Variants in CRYBG1 observed in about 807,000 individuals in gnomAD.
The protein encoded by CRYBG1 is crystallin beta-gamma domain containing 1.
CRYBG1 carries 139 observed loss-of-function variants against 189.2 expected under a neutral mutation model. That is an observed-to-expected ratio of 0.73 (90% CI 0.64 to 0.85). The LOEUF is 0.85. CRYBG1 is among the 40% of genes least tolerant of loss of function. The pLI, the probability that CRYBG1 is intolerant of heterozygous loss-of-function variation, is 0.00. For synonymous variants in CRYBG1, 1,023 were observed against 1,017.1 expected, an observed-to-expected ratio of 1.01 and a Z score of -0.11; for missense variants, 2,611 against 2,675.8, an observed-to-expected ratio of 0.98 and a Z score of 0.53.
intron 1 of CRYBG1, among the ~76,000 whole-genome samples, chr6:106,397,538 T>G (rs528633742): frequency 6.6e-6 from 1 of 152,342 alleles, no homozygotes; most frequent in East Asian, 1.9e-4. Context: ...TTCAGTTCAG[T>G]GCTTCAGCAT....
Position 106,555,778 on chromosome 6 carries a change from T to C in CRYBG1, c.5596T>C (p.Tyr1866His), listed in dbSNP as rs771433602. 11 of 1,614,182 alleles carry C rather than the reference T, an allele frequency of 6.8e-6. No individual in the cohort carries two copies. The highest frequency in any genetic ancestry group is 2.2e-5 in the East Asian group (1 of 44,878). The change falls in exon 17 of 22, where the codon TAT (tyrosine) becomes CAT (histidine). Residue 1866 changes from tyrosine (Y) to histidine (H), a missense_variant. This residue lies in a region of CRYBG1 where 1,622 missense variants were observed against 1,735.0 expected (regional missense o/e 0.93). Transcript: ENST00000633556. ...CRVSGGSWVV[Y>H]DGENFTGNQY... The stretch of plus-strand genomic sequence containing the variant: ...TTTTTCCCATTGTAGCTGGGTTGTA[T>C]ATGATGGAGAAAATTTCACTGGTAA...
chr6:106,412,697 G>A (rs1314048238), intron 1 of CRYBG1, among the ~76,000 whole-genome samples: 4 of 152,136 alleles, frequency 2.6e-5, no homozygotes, highest in East Asian at 1.9e-4. Context: ...TTGTCCTAAC[G>A]TAAGTTGGGA....
intron 1 of CRYBG1, among the ~76,000 whole-genome samples, chr6:106,394,854 G>A (rs546676013): frequency 1.6e-5 from 2 of 127,354 alleles, no homozygotes; most frequent in African/African-American, 5.0e-5. Context: ...AATGCACACA[G>A]CAGAATTTTT....
intron 1 of CRYBG1, among the ~76,000 whole-genome samples, chr6:106,432,281 T>C (rs1771339879): frequency 6.6e-6 from 1 of 152,234 alleles, no homozygotes; most frequent in Non-Finnish European, 1.5e-5. Context: ...AAATTTTCAA[T>C]GGAAGGAGGT....
chr6:106,440,087 G>T (rs1300128618), intron 1 of CRYBG1, among the ~76,000 whole-genome samples: 4 of 152,178 alleles, frequency 2.6e-5, no homozygotes, highest in Non-Finnish European at 5.9e-5. Flanking sequence ...CAGGGAAGAC[G>T]TGGGGCTGGT....
rs560063350 is a variant in CRYBG1, at chr6:106,554,625, A to C, written c.5585+1058A>C. Among the ~76,000 whole-genome samples the C allele has an allele frequency of 4.6e-5, 7 of 152,182 alleles. No homozygotes were observed. In the East Asian group the frequency reaches 1.4e-3, roughly 29 times the overall value. On this transcript the variant is annotated intron_variant, in intron 16 of 21. Coordinates refer to ENST00000633556, the MANE Select transcript of CRYBG1 (RefSeq NM_001371242.2). ...AGACTGTCTCAGGAAAAAACAAAAAAGGCAAATACATAGTTGGATAGTAAA... is the reference window on the plus strand; with the variant it reads ...AGACTGTCTCAGGAAAAAACAAAAACGGCAAATACATAGTTGGATAGTAAA...
At chr6:106,468,796 C>T (rs1273332371) in intron 2 of CRYBG1, among the ~76,000 whole-genome samples, 2 of 152,176 alleles carry the variant, frequency 1.3e-5, no homozygotes, top group African/African-American at 4.8e-5. Flanking sequence ...TTATTTTTCC[C>T]AATAATATGC....
chr6:106,379,137 A>G (rs931208132), intron 1 of CRYBG1, among the ~76,000 whole-genome samples: 20 of 152,230 alleles, frequency 1.3e-4, no homozygotes, highest in South Asian at 1.0e-3. Flanking sequence ...CGATAGAGCC[A>G]GACTCTGGTC....
At chr6:106,517,435 C>CACACATATATAT (rs766018369) in intron 3 of CRYBG1, among the ~76,000 whole-genome samples, 30,679 of 124,106 alleles carry the variant, frequency 0.25, 3,778 homozygotes, top group South Asian at 0.38. Context: ...TATATACACA[C>CACACATATATAT]ACACATATAT....
chr6:106,375,255 A>C (rs548269969), intron 1 of CRYBG1, among the ~76,000 whole-genome samples: 1 of 152,188 alleles, frequency 6.6e-6, no homozygotes, highest in East Asian at 1.9e-4. Flanking sequence ...GCGTGGTGGC[A>C]TGTGCCTGTA....
chr6:106,510,947 CTAGGACTGGTTTTTT>C (rs1773244572), intron 2 of CRYBG1, among the ~76,000 whole-genome samples: 2 of 152,140 alleles, frequency 1.3e-5, no homozygotes, highest in South Asian at 4.1e-4. Context: ...GAGAAGGCTG[CTAGGACTGGTTTTTT>C]TTCTTCGTCC....
At chr6:106,518,690 GC>G (rs1773497034) in intron 3 of CRYBG1, among the ~76,000 whole-genome samples, 2 of 152,190 alleles carry the variant, frequency 1.3e-5, no homozygotes, top group African/African-American at 4.8e-5. Context: ...GAGAATGGTG[GC>G]TCATGCCTGT....
intron 21 of CRYBG1, among the ~76,000 whole-genome samples, chr6:106,564,202 C>T (rs9386567): frequency 0.74 from 113,000 of 152,056 alleles, 43,957 homozygotes; most frequent in Non-Finnish European, 0.88. Flanking sequence ...ACCCCGGAAG[C>T]TCAAAGGGGT....
chr6:106,495,708 C>G (rs1488649070), intron 2 of CRYBG1, among the ~76,000 whole-genome samples: 1 of 151,190 alleles, frequency 6.6e-6, no homozygotes, highest in East Asian at 1.9e-4. Context: ...ACAAGCTACT[C>G]TCATTGAATA....
intron 1 of CRYBG1, among the ~76,000 whole-genome samples, chr6:106,432,844 T>TTTTTTTTTTTTTTTTTTTTTG (rs1771359280): frequency 7.3e-6 from 1 of 136,972 alleles, no homozygotes; most frequent in Non-Finnish European, 1.5e-5. Context: ...TTCTTTCTTT[T>TTTTTTTTTTTTTTTTTTTTTG]TTTTTTTTTT....
intron 13 of CRYBG1, among the ~76,000 whole-genome samples, chr6:106,548,088 G>A (rs1375108989): frequency 2.0e-5 from 3 of 152,196 alleles, no homozygotes; most frequent in Non-Finnish European, 4.4e-5. Context: ...CCACCAGGCT[G>A]GGACCTGCTA....
In CRYBG1 at chr6:106,525,174, T is replaced by C. The variant is rs774460770; in HGVS notation, c.4287T>C (p.Pro1429=). 6.2e-7 allele frequency: 1 copy of C among 1,614,142 alleles called. No individual in the cohort carries two copies. Among genetic ancestry groups the C allele is most frequent in the South Asian group, 1.1e-5 (1 of 91,086 alleles). The change falls in exon 5 of 22, where the codon CCT becomes CCC. Residue 1429 remains proline (P), a synonymous_variant. Coordinates refer to ENST00000633556, the MANE Select transcript of CRYBG1 (RefSeq NM_001371242.2). ...TCCAAAATAAACTCAATCCCCGACCTGGAAAGGTAAGATTATTTTCTGTTT... is the reference window on the plus strand; with the variant it reads ...TCCAAAATAAACTCAATCCCCGACCCGGAAAGGTAAGATTATTTTCTGTTT... ...GSVQNKLNPR[P]GKVVIYSEPD... is the part of the protein sequence containing the mutation.
chr6:106,512,493 A>G lies in CRYBG1; in HGVS notation c.1376A>G (p.Asp459Gly), dbSNP rs750280604. The G allele has an allele frequency of 1.5e-5, 24 of 1,611,480 alleles. No individual in the cohort carries two copies. Among genetic ancestry groups the G allele is most frequent in the East Asian group, 2.2e-5 (1 of 44,824 alleles). ...DDEVAPNAAS[D>G]NASAEKKVKS... ...GAGGTGGCGCCAAACGCGGCCAGCG[A>G]TAACGCCTCGGCGGAAAAGAAAGTG... Residue 459 changes from aspartate (D) to glycine (G), a missense_variant, in exon 3 of 22, where the codon GAT (aspartate) becomes GGT (glycine). Asp to Gly is a moderately conservative substitution (Grantham distance 94). Transcript: ENST00000633556.
At chr6:106,368,359 A>T (rs1053373775) in intron 1 of CRYBG1, among the ~76,000 whole-genome samples, 1 of 152,192 alleles carries the variant, frequency 6.6e-6, no homozygotes, top group Admixed American at 6.5e-5. Context: ...CATGCAGAAG[A>T]AAAGTGATTT....
Sources: gnomAD v4.1 joint callset for allele counts (sites outside exome capture counted in the v4.1 genomes callset) on GRCh38, gnomAD v4.1.1 for gene constraint, gnomAD v4.1.1 regional missense constraint, MANE v1.5 for transcripts, NCBI Gene and HGNC (gene_info 2026-07-23, HGNC 2026-07-21) for gene names.